Variants in APELA observed in about 807,000 individuals in gnomAD.
APELA encodes the protein apelin receptor early endogenous ligand, also known as protein Elabela.
intron 2 of APELA, among the ~76,000 whole-genome samples, chr4:164,891,810 A>G (rs373103435): frequency 6.6e-6 from 1 of 152,264 alleles, no homozygotes. Flanking sequence ...CCCTGATAAG[A>G]ACCTCCAAAG....
At chr4:164,898,857 G>A (rs189757561), downstream of APELA, 4 of 152,246 alleles carry the variant, frequency 2.6e-5, no homozygotes, top group East Asian at 7.7e-4. Context: ...TTAGGGACAG[G>A]TCTAGAACGA....
chr4:164,883,005 C>T (rs1417081656), intron 2 of APELA, among the ~76,000 whole-genome samples: 1 of 152,148 alleles, frequency 6.6e-6, no homozygotes, highest in African/African-American at 2.4e-5. Flanking sequence ...TCTTGTCACC[C>T]TCACTTGGTA....
downstream of APELA, among the ~76,000 whole-genome samples, chr4:164,898,278 G>A (rs1296304772): frequency 3.3e-5 from 5 of 151,546 alleles, no homozygotes; most frequent in East Asian, 9.9e-4. Flanking sequence ...GAGGATGGTG[G>A]ATCACCTGAG....
At chr4:164,882,577 A>T (rs1730673538) in intron 2 of APELA, among the ~76,000 whole-genome samples, 1 of 150,818 alleles carries the variant, frequency 6.6e-6, no homozygotes. Flanking sequence ...GTCTTTTAAT[A>T]CATTATTATT....
chr4:164,887,173 A>G (rs1412774047), intron 2 of APELA, among the ~76,000 whole-genome samples: 1 of 152,148 alleles, frequency 6.6e-6, no homozygotes, highest in Non-Finnish European at 1.5e-5. Flanking sequence ...AAAATGTGTA[A>G]TAATTCTTTC....
intron 2 of APELA, among the ~76,000 whole-genome samples, chr4:164,887,083 C>T (rs75985270): frequency 0.061 from 9,347 of 152,206 alleles, 362 homozygotes; most frequent in African/African-American, 0.11. Flanking sequence ...CCACCTCAGC[C>T]TCATAAAGTG....
At chr4:164,889,550 GTTATTT>G (rs1407488578) in intron 2 of APELA, among the ~76,000 whole-genome samples, 5 of 152,118 alleles carry the variant, frequency 3.3e-5, no homozygotes, top group Non-Finnish European at 5.9e-5. Context: ...AAAACAGTAA[GTTATTT>G]TTATTTTTAT....
At chr4:164,893,745 TTTTG>T (rs1341847908) in intron 2 of APELA, among the ~76,000 whole-genome samples, 3 of 152,316 alleles carry the variant, frequency 2.0e-5, no homozygotes, top group Non-Finnish European at 2.9e-5. Context: ...TAATCATGTT[TTTTG>T]TTTGTTTGTT....
chr4:164,879,747 C>T (rs1185341936), intron 2 of APELA, among the ~76,000 whole-genome samples: 1 of 152,130 alleles, frequency 6.6e-6, no homozygotes, highest in Non-Finnish European at 1.5e-5. Context: ...ACTTCATATT[C>T]CTATTCAACT....
At chr4:164,880,073 A>G (rs1009283992) in intron 2 of APELA, among the ~76,000 whole-genome samples, 6 of 152,234 alleles carry the variant, frequency 3.9e-5, no homozygotes, top group African/African-American at 1.4e-4. Flanking sequence ...TTTCAAGCTC[A>G]TTAATTCATT....
At chr4:164,890,408 C>T (rs1349563196) in intron 2 of APELA, among the ~76,000 whole-genome samples, 1 of 152,164 alleles carries the variant, frequency 6.6e-6, no homozygotes, top group South Asian at 2.1e-4. Flanking sequence ...CCCATTTCTC[C>T]CCAGCTGTTC....
At chr4:164,888,969 G>A (rs947119394) in intron 2 of APELA, among the ~76,000 whole-genome samples, 1 of 146,832 alleles carries the variant, frequency 6.8e-6, no homozygotes, top group Non-Finnish European at 1.5e-5. Flanking sequence ...CACTTCTCTT[G>A]AGAGTGTGTG....
chr4:164,898,850 G>T, downstream of APELA: 1 of 152,286 alleles, frequency 6.6e-6, no homozygotes. Flanking sequence ...CCTCTGTTTA[G>T]GGACAGGTCT....
chr4:164,894,189 G>A (rs1341318720), intron 2 of APELA, among the ~76,000 whole-genome samples: 1 of 152,022 alleles, frequency 6.6e-6, no homozygotes, highest in Non-Finnish European at 1.5e-5. Flanking sequence ...GCCAGGTGTC[G>A]TGGCGCACGC....
chr4:164,878,045 T>C (rs1426080506), intron 1 of APELA, among the ~76,000 whole-genome samples: 13 of 151,824 alleles, frequency 8.6e-5, no homozygotes, highest in African/African-American at 1.5e-4. Context: ...TATATTGTAC[T>C]TAACCAACAG....
At chr4:164,893,971 AAAT>A (rs931440695) in intron 2 of APELA, among the ~76,000 whole-genome samples, 9 of 152,090 alleles carry the variant, frequency 5.9e-5, no homozygotes, top group African/African-American at 1.7e-4. Flanking sequence ...CCGAAAAAAA[AAAT>A]AATAAAAGGA....
At chr4:164,884,160 G>GAAAGAAAGAAAGA (rs1560858160) in intron 2 of APELA, among the ~76,000 whole-genome samples, 1 of 112,396 alleles carries the variant, frequency 8.9e-6, no homozygotes, top group African/African-American at 3.7e-5. Context: ...AGAAAGAAAG[G>GAAAGAAAGAAAGA]AGAAGAGAAA....
At chr4:164,877,622 T>G (rs1730578806) in intron 1 of APELA, among the ~76,000 whole-genome samples, 1 of 152,236 alleles carries the variant, frequency 6.6e-6, no homozygotes, top group Non-Finnish European at 1.5e-5. Context: ...ATGATAAGTA[T>G]TTTACCACTA....
At chr4:164,894,564 C>T (rs1730938727) in intron 2 of APELA, among the ~76,000 whole-genome samples, 2 of 151,874 alleles carry the variant, frequency 1.3e-5, no homozygotes, top group Admixed American at 1.3e-4. Flanking sequence ...ACCACCATGC[C>T]CAGCTAAATT....
Sources: gnomAD v4.1 joint callset for allele counts (sites outside exome capture counted in the v4.1 genomes callset) on GRCh38, gnomAD v4.1.1 for gene constraint, MANE v1.5 for transcripts, NCBI Gene and HGNC (gene_info 2026-07-23, HGNC 2026-07-21) for gene names.